ITGB6: variants seen among roughly 807,000 people sequenced by gnomAD.
ITGB6 encodes the protein integrin subunit beta 6, also known as integrin beta-6.
In ITGB6, 80 loss-of-function variants were observed where a neutral mutation model predicts 84.5. That is an observed-to-expected ratio of 0.95 (90% confidence interval 0.79 to 1.14). ITGB6 has a LOEUF of 1.14. Ranked by LOEUF, ITGB6 falls within the 50% of genes most tolerant of loss-of-function variation. ITGB6 has a pLI of 0.00. For synonymous variants in ITGB6, 383 were observed against 354.9 expected (o/e 1.08, Z -0.89); for missense variants, 1,006 against 968.0 (o/e 1.04, Z -0.52).
At chr2:160,192,851 A>G (rs1177641667) in intron 4 of ITGB6, among the ~76,000 whole-genome samples, 1 of 152,164 alleles carries the variant, frequency 6.6e-6, no homozygotes. Context: ...ACCACAAAAT[A>G]AGAAATAAGA....
At chr2:160,133,175 C>CG (rs1435248166) in intron 10 of ITGB6, among the ~76,000 whole-genome samples, 1 of 152,076 alleles carries the variant, frequency 6.6e-6, no homozygotes, top group Non-Finnish European at 1.5e-5. Context: ...ACCCATCTCA[C>CG]TGCAAAGACA....
intron 10 of ITGB6, among the ~76,000 whole-genome samples, chr2:160,133,579 C>T (rs1683562485): frequency 6.6e-6 from 1 of 152,156 alleles, no homozygotes; most frequent in South Asian, 2.1e-4. Context: ...CAGAACTCTC[C>T]ACCCCAAATC....
intron 8 of ITGB6, among the ~76,000 whole-genome samples, chr2:160,141,280 T>C (rs1683991081): frequency 6.6e-6 from 1 of 152,032 alleles, no homozygotes; most frequent in African/African-American, 2.4e-5. Context: ...GGGGGGGTGA[T>C]ATTTAGGAAC....
At position 160,123,830 on chromosome 2, in the gene ITGB6, T is replaced by G. The variant is rs1411158973; in HGVS notation, c.1942A>C (p.Lys648Gln). 2.5e-6 allele frequency: 4 copies of G among 1,614,082 alleles called. No homozygotes were observed. In the East Asian group the frequency reaches 8.9e-5, roughly 36 times the overall value. The change falls in exon 12 of 15, where the codon AAG (lysine) becomes CAG (glutamine). Residue 648 changes from lysine to glutamine, a missense_variant. Lys to Gln is a moderately conservative substitution (Grantham distance 53, BLOSUM62 1). Coordinates refer to ENST00000283249, the MANE Select transcript of ITGB6 (RefSeq NM_000888.5). ...ATGGTCGCACCAGCTAGTTTGCACT[T>G]GTCCACACATTCTTCTCGGGCTTGG... The part of the protein sequence containing the change: ...AGQAREECVD[K>Q]CKLAGATISE...
chr2:160,181,881 G>A (rs1685692868), intron 4 of ITGB6, among the ~76,000 whole-genome samples: 1 of 152,192 alleles, frequency 6.6e-6, no homozygotes, highest in South Asian at 2.1e-4. Flanking sequence ...AACTTCAGCA[G>A]ACCTGCAGCA....
At position 160,196,223 on chromosome 2, in the gene ITGB6, C is replaced by T; in HGVS notation, c.339G>A (p.Leu113=). ...AGCCAAATCCTAACATACCTGGTCT[C>T]AACTTAAGGATCAAGCTTTGAGGCG... The part of the protein sequence containing the change: ...QIAPQSLILK[L]RPGGAQTLQV... The change falls in exon 3 of 15, where the codon TTG becomes TTA. Residue 113 remains leucine (L), a synonymous_variant. Transcript: ENST00000283249. 6.2e-7 allele frequency: 1 copy of T among 1,613,834 alleles called. No homozygotes were observed. Among genetic ancestry groups the T allele is most frequent in the Non-Finnish European group, 8.5e-7 (1 of 1,179,832 alleles).
intron 8 of ITGB6, among the ~76,000 whole-genome samples, chr2:160,141,549 T>C (rs547944979): frequency 2.6e-4 from 40 of 152,332 alleles, no homozygotes; most frequent in Admixed American, 2.6e-3. Context: ...TTTTGGTGGA[T>C]AGCCAACACT....
rs1015594028 is a variant in ITGB6, at chr2:160,169,215, A to G, written c.1014T>C (p.Tyr338=). Residue 338 remains tyrosine, a synonymous_variant, in exon 7 of 15, where the codon TAT becomes TAC. Coordinates refer to ENST00000283249, the MANE Select transcript of ITGB6 (RefSeq NM_000888.5). ...TTCCCAAGTTATTTTTGCTTACCTC[A>G]TATAAATGAACTTGTTCTTGGGTTA... ...FAVTQEQVHL[Y]ENYAKLIPGA... 40 of 1,581,956 alleles carry G rather than the reference A, an allele frequency of 2.5e-5. No individual in the cohort carries two copies. Among genetic ancestry groups the G allele is most frequent in the Non-Finnish European group, 3.2e-5 (37 of 1,161,352 alleles).
At position 160,154,461 on chromosome 2, in the gene ITGB6, A is replaced by G. The variant is rs572706668; in HGVS notation, c.1018-12390T>C. ...GGTGGGGGGCTGGGGGAGGGATAGC[A>G]TTAGGAGAAATACCTAATGTAAATG... On this transcript the variant is annotated intron_variant, in intron 7 of 14. Transcript: ENST00000283249. 1.9e-4 allele frequency among the ~76,000 whole-genome samples: 29 copies of G among 152,298 alleles called. No individual in the cohort carries two copies. In the East Asian group the frequency reaches 5.2e-3, roughly 27 times the overall value.
intron 4 of ITGB6, among the ~76,000 whole-genome samples, chr2:160,189,321 A>C (rs1294288020): frequency 1.3e-5 from 2 of 152,238 alleles, no homozygotes; most frequent in African/African-American, 4.8e-5. Flanking sequence ...AAACACCAAA[A>C]GCAATGGCAA....
At chr2:160,135,493 G>C (rs1459600982) in intron 10 of ITGB6, among the ~76,000 whole-genome samples, 3 of 151,716 alleles carry the variant, frequency 2.0e-5, no homozygotes, top group African/African-American at 4.9e-5. Context: ...GTAATTTATA[G>C]ATTCAATGCC....
intron 7 of ITGB6, among the ~76,000 whole-genome samples, chr2:160,155,509 C>T (rs537227506): frequency 4.6e-5 from 7 of 152,024 alleles, no homozygotes; most frequent in African/African-American, 1.4e-4. Context: ...CATGTACTAC[C>T]GTGGTGGGAG....
At chr2:160,106,828 T>A (rs1258993944) in intron 14 of ITGB6, among the ~76,000 whole-genome samples, 2 of 152,202 alleles carry the variant, frequency 1.3e-5, no homozygotes, top group African/African-American at 4.8e-5. Context: ...CATCAAATTA[T>A]TTGGGCGGAC....
chr2:160,115,496 C>G (rs981872493), intron 12 of ITGB6, among the ~76,000 whole-genome samples: 1 of 152,160 alleles, frequency 6.6e-6, no homozygotes, highest in East Asian at 1.9e-4. Context: ...GACATCCACA[C>G]CAAAAACCCT....
intron 10 of ITGB6, among the ~76,000 whole-genome samples, chr2:160,127,603 G>A (rs7557804): frequency 0.19 from 29,531 of 152,158 alleles, 3,146 homozygotes; most frequent in Admixed American, 0.32. Context: ...AGGATCTCCT[G>A]GGGCTGTGTC....
intron 7 of ITGB6, among the ~76,000 whole-genome samples, chr2:160,163,966 C>T (rs1028168600): frequency 6.6e-6 from 1 of 152,182 alleles, no homozygotes; most frequent in African/African-American, 2.4e-5. Flanking sequence ...AAGTGAAGGG[C>T]TTGGTCCAAC....
At chr2:160,149,498 G>A (rs1405548768) in intron 7 of ITGB6, among the ~76,000 whole-genome samples, 2 of 152,200 alleles carry the variant, frequency 1.3e-5, no homozygotes, top group Non-Finnish European at 2.9e-5. Flanking sequence ...AAGATGGGGA[G>A]AAACCAGAGC....
intron 14 of ITGB6, among the ~76,000 whole-genome samples, chr2:160,105,397 T>C (rs1696869828): frequency 6.6e-6 from 1 of 152,238 alleles, no homozygotes; most frequent in East Asian, 1.9e-4. Context: ...ATTTTAAAGA[T>C]ATTAATCACT....
At chr2:160,143,099 C>T (rs1684060671) in intron 7 of ITGB6, among the ~76,000 whole-genome samples, 1 of 152,072 alleles carries the variant, frequency 6.6e-6, no homozygotes, top group African/African-American at 2.4e-5. Context: ...ACCAGCCTGG[C>T]CAACATGGTG....
Sources: gnomAD v4.1 joint callset for allele counts (sites outside exome capture counted in the v4.1 genomes callset) on GRCh38, gnomAD v4.1.1 for gene constraint, MANE v1.5 for transcripts, NCBI Gene and HGNC (gene_info 2026-07-23, HGNC 2026-07-21) for gene names.